ADARB2: variants seen among roughly 807,000 people sequenced by gnomAD.
The protein encoded by ADARB2 is inactive double-stranded RNA-specific editase B2.
A neutral mutation model predicts 62.2 loss-of-function variants in ADARB2; 25 were observed. The ratio of observed to expected loss-of-function variants is 0.40; its 90% CI spans 0.29 to 0.56. The LOEUF is 0.56. Ranked by LOEUF, ADARB2 falls within the 20% of genes least tolerant of loss-of-function variation. The pLI is 0.43. For synonymous variants in ADARB2, 572 were observed against 500.8 expected, an observed-to-expected ratio of 1.14 and a Z score of -1.90; for missense variants, 1,071 against 1,077.4, an observed-to-expected ratio of 0.99 and a Z score of 0.08.
chr10:1,725,650 G>A (rs1387724154), intron 1 of ADARB2, among the ~76,000 whole-genome samples: 2 of 152,376 alleles, frequency 1.3e-5, no homozygotes, highest in Non-Finnish European at 2.9e-5. Flanking sequence ...AGAGCAGGGA[G>A]CAAAGACATT....
chr10:1,331,285 A>G (rs4298833), intron 3 of ADARB2, among the ~76,000 whole-genome samples: 13,723 of 152,298 alleles, frequency 0.09, 1,010 homozygotes, highest in African/African-American at 0.19. Context: ...ATATATCTAC[A>G]TAAAACCACA....
Position 1,712,895 on chromosome 10 carries a change from C to A in ADARB2, c.100+24156G>T, listed in dbSNP as rs117318600. Among the ~76,000 whole-genome samples, 2,298 of 152,132 alleles carry A rather than the reference C, an allele frequency of 0.015. 143 individuals carry two copies. The East Asian group carries it at 0.18, about 12-fold the overall frequency. Reference sequence around the variant, plus strand: ...AAGTGCTGGGATTACAGGCGTGAGCCACAGCACCCGGCCACCACCATTACT... The same window carrying A: ...AAGTGCTGGGATTACAGGCGTGAGCAACAGCACCCGGCCACCACCATTACT... On this transcript the variant is annotated intron_variant, in intron 1 of 9. Transcript: ENST00000381312.
intron 1 of ADARB2, among the ~76,000 whole-genome samples, chr10:1,547,521 T>A (rs1406919224): frequency 7.1e-5 from 8 of 112,888 alleles, no homozygotes; most frequent in Admixed American, 1.9e-4. Context: ...TGTGCAAGTC[T>A]ATGTACTGTG....
intron 3 of ADARB2, among the ~76,000 whole-genome samples, chr10:1,349,990 C>T (rs920927327): frequency 1.3e-5 from 2 of 152,042 alleles, no homozygotes; most frequent in African/African-American, 4.8e-5. Context: ...GGCAACTTTC[C>T]ACCCTCCATT....
chr10:1,483,747 C>G (rs1299665696), intron 1 of ADARB2, among the ~76,000 whole-genome samples: 1 of 152,238 alleles, frequency 6.6e-6, no homozygotes. Flanking sequence ...ACAGCACCTG[C>G]AGGAGAGACT....
At chr10:1,606,157 C>T (rs1469794612) in intron 1 of ADARB2, among the ~76,000 whole-genome samples, 1 of 152,220 alleles carries the variant, frequency 6.6e-6, no homozygotes, top group Middle Eastern at 3.2e-3. Context: ...CCGCTCCTTC[C>T]TTTCCTGTTG....
chr10:1,346,491 G>C (rs372394608), intron 3 of ADARB2, among the ~76,000 whole-genome samples: 4 of 152,196 alleles, frequency 2.6e-5, no homozygotes, highest in African/African-American at 9.6e-5. Context: ...GCATGAACTG[G>C]CTTTCAGTGT....
chr10:1,481,669 C>G (rs10903465), intron 1 of ADARB2, among the ~76,000 whole-genome samples: 1 of 151,806 alleles, frequency 6.6e-6, no homozygotes, highest in Non-Finnish European at 1.5e-5. Context: ...CCAGCCTGGC[C>G]AACATGGTGA....
At chr10:1,725,762 C>T (rs917314910) in intron 1 of ADARB2, among the ~76,000 whole-genome samples, 5 of 152,242 alleles carry the variant, frequency 3.3e-5, no homozygotes, top group African/African-American at 1.2e-4. Flanking sequence ...AACGCTGACA[C>T]AAGACACTAA....
chr10:1,365,102 C>T (rs375921650), intron 2 of ADARB2, among the ~76,000 whole-genome samples: 237 of 152,162 alleles, frequency 1.6e-3, no homozygotes, highest in African/African-American at 5.6e-3. Context: ...GAACTCCTGA[C>T]CTCAGGTGAT....
At chr10:1,226,851 G>A (rs1316127879) in intron 6 of ADARB2, among the ~76,000 whole-genome samples, 3 of 93,900 alleles carry the variant, frequency 3.2e-5, no homozygotes, top group African/African-American at 5.0e-5. Flanking sequence ...TAGGCTACTC[G>A]GGGGTCAGGT....
At chr10:1,637,499 C>A (rs1247920089) in intron 1 of ADARB2, among the ~76,000 whole-genome samples, 1 of 152,204 alleles carries the variant, frequency 6.6e-6, no homozygotes, top group African/African-American at 2.4e-5. Context: ...TGATTACCCT[C>A]AATGCAGAAT....
At chr10:1,664,851 T>G (rs1273479419) in intron 1 of ADARB2, among the ~76,000 whole-genome samples, 1 of 152,214 alleles carries the variant, frequency 6.6e-6, no homozygotes, top group East Asian at 1.9e-4. Context: ...TCCTCAAGAC[T>G]GCCAGAGTTC....
intron 5 of ADARB2, among the ~76,000 whole-genome samples, chr10:1,234,624 T>A (rs918570522): frequency 1.3e-5 from 2 of 151,666 alleles, no homozygotes; most frequent in Non-Finnish European, 2.9e-5. Context: ...TACTTTTTTT[T>A]AGAGACAGGG....
intron 7 of ADARB2, among the ~76,000 whole-genome samples, chr10:1,211,405 C>T (rs191652024): frequency 1.1e-4 from 16 of 152,198 alleles, no homozygotes; most frequent in African/African-American, 3.9e-4. Context: ...TGTCATCTAT[C>T]GATCTATGTA....
chr10:1,322,168 G>A (rs940714778), intron 3 of ADARB2, among the ~76,000 whole-genome samples: 1 of 152,214 alleles, frequency 6.6e-6, no homozygotes, highest in Non-Finnish European at 1.5e-5. Context: ...TTGAAGCTTG[G>A]TGAGAGGTGA....
chr10:1,496,146 C>A (rs977488139), intron 1 of ADARB2, among the ~76,000 whole-genome samples: 3 of 151,192 alleles, frequency 2.0e-5, no homozygotes, highest in Middle Eastern at 3.4e-3. Flanking sequence ...ATCATAATCA[C>A]CATCATTATT....
At chr10:1,666,314 C>T (rs1200757788) in intron 1 of ADARB2, among the ~76,000 whole-genome samples, 2 of 152,234 alleles carry the variant, frequency 1.3e-5, no homozygotes, top group Non-Finnish European at 2.9e-5. Context: ...CCCGCCAGGG[C>T]GAGCATCTGA....
chr10:1,598,896 G>A (rs1449061537), intron 1 of ADARB2, among the ~76,000 whole-genome samples: 4 of 152,228 alleles, frequency 2.6e-5, no homozygotes, highest in Admixed American at 2.6e-4. Context: ...AGGGGAGGGA[G>A]CGGATGCCCA....
Sources: allele counts gnomAD v4.1 joint callset (sites outside exome capture counted in the v4.1 genomes callset), GRCh38; gene constraint gnomAD v4.1.1; transcripts MANE v1.5; gene names NCBI Gene and HGNC (gene_info 2026-07-23, HGNC 2026-07-21).